Variants in GSR observed in about 807,000 individuals in gnomAD.
GSR encodes glutathione reductase, mitochondrial.
In GSR, 48 loss-of-function variants were observed where a neutral mutation model predicts 56.5. That is an observed-to-expected ratio of 0.85 (90% CI 0.67 to 1.08). The LOEUF (loss-of-function observed/expected upper bound fraction) is 1.08. GSR is among the 50% of genes least tolerant of loss of function. The pLI is 0.00. For missense variants in GSR, 694 were observed against 703.3 expected, an observed-to-expected ratio of 0.99 and a Z score of 0.15; for synonymous variants, 264 against 270.8, an observed-to-expected ratio of 0.97 and a Z score of 0.25.
intron 9 of GSR, among the ~76,000 whole-genome samples, chr8:30,688,787 T>C (rs2551717): frequency 6.6e-6 from 1 of 151,338 alleles, no homozygotes; most frequent in Non-Finnish European, 1.5e-5. Flanking sequence ...TAGCTGGGCA[T>C]TGTGGCACAC....
At chr8:30,706,655 G>A (rs1803931727) in intron 4 of GSR, among the ~76,000 whole-genome samples, 1 of 152,130 alleles carries the variant, frequency 6.6e-6, no homozygotes, top group South Asian at 2.1e-4. Flanking sequence ...CACCTACATG[G>A]TCCTGGTGGG....
chr8:30,679,272 T>C lies in GSR; in HGVS notation c.*248A>G. 1.9e-6 allele frequency: 1 copy of C among 524,798 alleles called. No homozygotes were observed. The highest frequency in any genetic ancestry group is 3.4e-6 in the Non-Finnish European group (1 of 295,728). 32.5% of individuals were successfully genotyped at this position (524,798 alleles called of 1,614,324 possible). ...GAAAAAAAAAACTAGCACAGAGCTG[T>C]TAATAAAAAAAAAACTTGAAAATAT... On this transcript the variant is annotated 3_prime_UTR_variant, in exon 13 of 13. Transcript: ENST00000221130.
At chr8:30,682,794 C>T (rs1230786507) in intron 10 of GSR, among the ~76,000 whole-genome samples, 2 of 151,592 alleles carry the variant, frequency 1.3e-5, no homozygotes, top group African/African-American at 4.8e-5. Context: ...GCCACTGCGC[C>T]TAGAATCTTT....
rs1420948549 is a variant in GSR, at chr8:30,679,525, G to A, written c.1564C>T (p.Arg522Cys). 16 of 1,613,798 alleles carry A rather than the reference G, an allele frequency of 9.9e-6. No homozygotes were observed. The highest frequency in any genetic ancestry group is 2.2e-5 in the South Asian group (2 of 91,078). ...PTSSEELVTL[R>C] Reference sequence around the variant, plus strand: ...CCACACGTGTCTCCTGGTTCTCAACGAAGTGTGACCAGCTCTTCTGAAGAG... The same window carrying A: ...CCACACGTGTCTCCTGGTTCTCAACAAAGTGTGACCAGCTCTTCTGAAGAG... The change falls in exon 13 of 13, where the codon CGT (arginine) becomes TGT (cysteine). Residue 522 changes from arginine (R) to cysteine (C), a missense_variant. Physicochemically the swap from Arg to Cys is radical, Grantham distance 180. Coordinates refer to ENST00000221130, the MANE Select transcript of GSR (RefSeq NM_000637.5).
chr8:30,704,738 T>G (rs907059353), intron 4 of GSR: 1 of 152,212 alleles, frequency 6.6e-6, no homozygotes, highest in African/African-American at 2.4e-5. Context: ...ATCTTCTTCT[T>G]TCCCTGCACC....
chr8:30,721,370 T>C (rs1052131736), intron 1 of GSR, among the ~76,000 whole-genome samples: 2 of 152,102 alleles, frequency 1.3e-5, no homozygotes, highest in African/African-American at 4.8e-5. Context: ...GCCAAAGTGG[T>C]CCGGGCATGG....
chr8:30,703,556 G>A (rs527923893), intron 4 of GSR, among the ~76,000 whole-genome samples: 3 of 152,162 alleles, frequency 2.0e-5, no homozygotes, highest in East Asian at 3.9e-4. Flanking sequence ...AGACCAGCCT[G>A]GGAAACATGT....
chr8:30,694,689 C>T (rs913496154), intron 7 of GSR, among the ~76,000 whole-genome samples: 3 of 151,368 alleles, frequency 2.0e-5, no homozygotes, highest in African/African-American at 4.9e-5. Flanking sequence ...TTTGGGAGGC[C>T]GAGGTGGGCG....
chr8:30,688,578 CAAAAA>C (rs57690198), intron 9 of GSR, among the ~76,000 whole-genome samples: 3 of 81,544 alleles, frequency 3.7e-5, no homozygotes, highest in African/African-American at 1.0e-4. Context: ...GACCCTGTCT[CAAAAA>C]AAAAAAAAAA....
chr8:30,710,114 G>A (rs968639184), intron 2 of GSR, among the ~76,000 whole-genome samples: 14 of 151,846 alleles, frequency 9.2e-5, no homozygotes, highest in African/African-American at 3.1e-4. Flanking sequence ...TCAAGAGTTC[G>A]GGACCAGCCT....
At chr8:30,723,829 C>T (rs1804637149) in intron 1 of GSR, among the ~76,000 whole-genome samples, 1 of 151,546 alleles carries the variant, frequency 6.6e-6, no homozygotes, top group South Asian at 2.1e-4. Context: ...CCCAGGTCTG[C>T]TGGGACCTAG....
chr8:30,706,063 C>T (rs1490251146), intron 4 of GSR, among the ~76,000 whole-genome samples: 1 of 151,546 alleles, frequency 6.6e-6, no homozygotes, highest in Non-Finnish European at 1.5e-5. Context: ...GTAATCCCAG[C>T]ATGTTGGAAG....
intron 8 of GSR, 91 bp downstream of exon 8, chr8:30,692,878 G>A: frequency 1.3e-6 from 1 of 796,520 alleles, no homozygotes; most frequent in South Asian, 1.3e-5. Flanking sequence ...GGTAGACATA[G>A]TGTTTGTGTT....
chr8:30,680,764 G>C (rs1312083564), intron 12 of GSR, 140 bp downstream of exon 12: 2 of 795,472 alleles, frequency 2.5e-6, no homozygotes, highest in Non-Finnish European at 4.5e-6. Context: ...CCAAAATGCA[G>C]GTAAGACAGA....
Position 30,680,938 on chromosome 8 carries a change from A to G in GSR, c.1385T>C (p.Val462Ala), listed in dbSNP as rs761353466. 3 of 1,613,704 alleles carry G rather than the reference A, an allele frequency of 1.9e-6. No individual in the cohort carries two copies. Among genetic ancestry groups the G allele is most frequent in the Non-Finnish European group, 2.5e-6 (3 of 1,179,864 alleles). Residue 462 changes from valine (V) to alanine (A), a missense_variant, in exon 12 of 13, where the codon GTG becomes GCG. Physicochemically the swap from Val to Ala is moderately conservative, Grantham distance 64. Transcript: ENST00000221130. ...HAVTKRKTKC[V>A]MKMVCANKEE... ...CTTGTTAGCACAGACCATTTTCATC[A>G]CACATTTTGTTTTCCTTTTGGTAAC...
chr8:30,726,910 G>A (rs1804742287), intron 1 of GSR: 1 of 152,116 alleles, frequency 6.6e-6, no homozygotes, highest in Non-Finnish European at 1.5e-5. Context: ...AGGTCGCCTT[G>A]GCTGCAATTC....
At chr8:30,703,956 G>A (rs918894897) in intron 4 of GSR, among the ~76,000 whole-genome samples, 1 of 152,276 alleles carries the variant, frequency 6.6e-6, no homozygotes, top group Non-Finnish European at 1.5e-5. Flanking sequence ...AGGCACCCCC[G>A]TAAGAAAGAT....
intron 1 of GSR, among the ~76,000 whole-genome samples, chr8:30,716,365 T>C (rs1804333545): frequency 6.6e-6 from 1 of 152,142 alleles, no homozygotes; most frequent in Non-Finnish European, 1.5e-5. Flanking sequence ...GGGGCACTGG[T>C]TGAAAGGAAG....
chr8:30,701,794 CAAAAAAAAAA>C (rs34877158), intron 5 of GSR, among the ~76,000 whole-genome samples: 3 of 72,328 alleles, frequency 4.1e-5, no homozygotes, highest in Admixed American at 4.4e-4. Flanking sequence ...ATCTGTCTCA[CAAAAAAAAAA>C]AAAAAAAAAA....
Sources: allele counts gnomAD v4.1 joint callset (sites outside exome capture counted in the v4.1 genomes callset), GRCh38; gene constraint gnomAD v4.1.1; transcripts MANE v1.5; gene names NCBI Gene and HGNC (gene_info 2026-07-23, HGNC 2026-07-21).